NALF1: variants seen among roughly 807,000 people sequenced by gnomAD.
The protein encoded by NALF1 is family with sequence similarity 155 member A.
In NALF1, 3 loss-of-function variants were observed where a neutral mutation model predicts 48.4. The observed-to-expected ratio is 0.06, with a 90% CI of 0.03 to 0.16. The LOEUF is 0.16. Among genes scored for constraint, NALF1 ranks in the 10% least tolerant of loss-of-function variants. The pLI, the probability that NALF1 is intolerant of heterozygous loss-of-function variation, is 1.00. For missense variants in NALF1, 526 were observed against 571.5 expected (o/e 0.92, Z 0.81); for synonymous variants, 262 against 245.7 (o/e 1.07, Z -0.62).
intron 1 of NALF1, among the ~76,000 whole-genome samples, chr13:107,434,674 T>C (rs1442758392): frequency 6.6e-6 from 1 of 152,264 alleles, no homozygotes; most frequent in Non-Finnish European, 1.5e-5. Context: ...AATCAGCAAA[T>C]CTTTCTTTAA....
intron 1 of NALF1, among the ~76,000 whole-genome samples, chr13:107,512,017 T>C (rs1329230671): frequency 6.6e-6 from 1 of 152,226 alleles, no homozygotes; most frequent in Non-Finnish European, 1.5e-5. Context: ...TGTGTAATGT[T>C]AGTACATTTG....
At chr13:107,656,248 A>T (rs1330132485) in intron 1 of NALF1, among the ~76,000 whole-genome samples, 1 of 152,166 alleles carries the variant, frequency 6.6e-6, no homozygotes, top group Non-Finnish European at 1.5e-5. Flanking sequence ...AAATCTTCAC[A>T]ATCTATACAT....
chr13:107,210,752 C>A lies in NALF1; in HGVS notation c.919G>T (p.Val307Phe), dbSNP rs1313267253. 1 of 1,608,120 alleles carries A rather than the reference C, an allele frequency of 6.2e-7. No individual in the cohort carries two copies. Among genetic ancestry groups the A allele is most frequent in the African/African-American group, 1.3e-5 (1 of 74,650 alleles). Reference sequence around the variant, plus strand: ...TGGGAACAGAGCCAGGCTTTGTAGACAATCTGAAAAAAAGAGAAGAATGAA... The same window carrying A: ...TGGGAACAGAGCCAGGCTTTGTAGAAAATCTGAAAAAAAGAGAAGAATGAA... The part of the protein sequence containing the change: ...VKSCPEDCKI[V>F]YKAWLCSQYF... Residue 307 changes from valine (V) to phenylalanine (F), a missense_variant, in exon 2 of 3, where the codon GTC (valine) becomes TTC (phenylalanine). This residue lies in a region of NALF1 where 153 missense variants were observed against 215.9 expected (regional missense o/e 0.71). Coordinates refer to ENST00000375915, the MANE Select transcript of NALF1 (RefSeq NM_001080396.3).
chr13:107,290,473 G>A lies in NALF1; in HGVS notation c.916-79718C>T, dbSNP rs541605706. On this transcript the variant is annotated intron_variant, in intron 1 of 2. Transcript: ENST00000375915. ...TTTCCCCCATACTGTTTTCATGGTA[G>A]TCTCACAAGATCTGATGATTTTATA... 4.6e-5 allele frequency among the ~76,000 whole-genome samples: 7 copies of A among 152,234 alleles called. No individual in the cohort carries two copies. In the South Asian group the frequency reaches 1.4e-3, roughly 32 times the overall value.
chr13:107,242,495 C>A (rs776494770), intron 1 of NALF1, among the ~76,000 whole-genome samples: 7 of 152,158 alleles, frequency 4.6e-5, no homozygotes, highest in Non-Finnish European at 1.0e-4. Flanking sequence ...AATTAAGTAG[C>A]ATGTTGGTTT....
At chr13:107,279,716 C>T (rs1296716604) in intron 1 of NALF1, among the ~76,000 whole-genome samples, 1 of 152,300 alleles carries the variant, frequency 6.6e-6, no homozygotes, top group African/African-American at 2.4e-5. Flanking sequence ...TAAACACATG[C>T]TGCCCTCAAT....
chr13:107,797,785 T>TA (rs34996943), intron 1 of NALF1, among the ~76,000 whole-genome samples: 8,268 of 149,206 alleles, frequency 0.055, 579 homozygotes, highest in East Asian at 0.39. Flanking sequence ...AGAATAAAAG[T>TA]AAAAAAAAAA....
At chr13:107,739,476 G>A (rs936510912) in intron 1 of NALF1, among the ~76,000 whole-genome samples, 3 of 149,852 alleles carry the variant, frequency 2.0e-5, no homozygotes, top group Non-Finnish European at 4.4e-5. Flanking sequence ...AAATCTGGCT[G>A]CGGAGTTTTT....
intron 1 of NALF1, among the ~76,000 whole-genome samples, chr13:107,305,806 T>A (rs1881925707): frequency 6.6e-6 from 1 of 152,164 alleles, no homozygotes; most frequent in African/African-American, 2.4e-5. Context: ...GGAAAAATAA[T>A]CAAAGGTAGA....
intron 1 of NALF1, among the ~76,000 whole-genome samples, chr13:107,805,895 G>A (rs77532629): frequency 0.046 from 7,049 of 151,942 alleles, 313 homozygotes; most frequent in African/African-American, 0.12. Flanking sequence ...ACAAAATCAC[G>A]GAAAAAATAT....
At chr13:107,472,486 GGGAGAGGCAGACCCACCCTCAACCCA>G (rs1365024675) in intron 1 of NALF1, among the ~76,000 whole-genome samples, 1 of 152,264 alleles carries the variant, frequency 6.6e-6, no homozygotes. Context: ...TCAGTAGACT[GGGAGAGGCAGACCCACCCTCAACCCA>G]GGTTGAGGGT....
intron 1 of NALF1, among the ~76,000 whole-genome samples, chr13:107,862,719 T>G (rs1307865587): frequency 6.6e-6 from 1 of 151,954 alleles, no homozygotes; most frequent in Non-Finnish European, 1.5e-5. Flanking sequence ...ACACTATAAT[T>G]TTATTAGGTC....
chr13:107,433,783 T>C (rs1319832364), intron 1 of NALF1, among the ~76,000 whole-genome samples: 1 of 152,156 alleles, frequency 6.6e-6, no homozygotes, highest in Non-Finnish European at 1.5e-5. Flanking sequence ...GAGATCATTT[T>C]TCACTTAGCT....
At chr13:107,800,659 A>G (rs558460607) in intron 1 of NALF1, among the ~76,000 whole-genome samples, 71 of 146,524 alleles carry the variant, frequency 4.8e-4, no homozygotes, top group Non-Finnish European at 9.1e-4. Flanking sequence ...TATAATATAT[A>G]ATACATCATA....
intron 1 of NALF1, among the ~76,000 whole-genome samples, chr13:107,852,109 T>C (rs1372608060): frequency 3.3e-5 from 5 of 152,050 alleles, no homozygotes; most frequent in Non-Finnish European, 2.9e-5. Context: ...ACCCATGCCC[T>C]TTAATCTTGT....
At chr13:107,820,889 T>G (rs1270806173) in intron 1 of NALF1, among the ~76,000 whole-genome samples, 3 of 152,166 alleles carry the variant, frequency 2.0e-5, no homozygotes, top group African/African-American at 7.2e-5. Flanking sequence ...ATGTATTTAT[T>G]CCAGGTATTG....
intron 1 of NALF1, among the ~76,000 whole-genome samples, chr13:107,615,270 G>C (rs11840680): frequency 0.048 from 7,299 of 152,162 alleles, 623 homozygotes; most frequent in African/African-American, 0.17. Context: ...TAATGTCACA[G>C]TCCTTTGTCT....
chr13:107,320,060 G>A (rs941292569), intron 1 of NALF1, among the ~76,000 whole-genome samples: 1 of 152,086 alleles, frequency 6.6e-6, no homozygotes, highest in African/African-American at 2.4e-5. Flanking sequence ...GTAAAACCAT[G>A]GTATATTGAG....
chr13:107,686,930 C>G (rs1440405237), intron 1 of NALF1, among the ~76,000 whole-genome samples: 1 of 152,056 alleles, frequency 6.6e-6, no homozygotes, highest in Non-Finnish European at 1.5e-5. Context: ...ACCATTTGAC[C>G]CAGCAATTCC....
Sources: gnomAD v4.1 joint callset for allele counts (sites outside exome capture counted in the v4.1 genomes callset) on GRCh38, gnomAD v4.1.1 for gene constraint, gnomAD v4.1.1 regional missense constraint, MANE v1.5 for transcripts, NCBI Gene and HGNC (gene_info 2026-07-23, HGNC 2026-07-21) for gene names.